The following MAST4 variants were observed in gnomAD, a reference collection of about 807,000 sequenced individuals.
MAST4 encodes microtubule-associated serine/threonine-protein kinase 4.
MAST4 carries 89 observed loss-of-function variants against 162.7 expected under a neutral mutation model. That is an observed-to-expected ratio of 0.55 (90% CI 0.46 to 0.65). MAST4 has a LOEUF of 0.65. Among genes scored for constraint, MAST4 ranks in the 30% least tolerant of loss-of-function variants. The probability of loss-of-function intolerance (pLI) is 0.00; values close to 1 mark genes in which losing one functional copy is unlikely to be tolerated. For synonymous variants in MAST4, 1,479 were observed against 1,361.1 expected (o/e 1.09, Z -1.91); for missense variants, 3,153 against 3,374.0 (o/e 0.93, Z 1.62).
At chr5:66,798,423 T>G (rs140894950) in intron 3 of MAST4, among the ~76,000 whole-genome samples, 2,261 of 152,328 alleles carry the variant, frequency 0.015, 24 homozygotes, top group Middle Eastern at 0.024. Flanking sequence ...ATACTAGGAC[T>G]GGCTGTCATT....
intron 1 of MAST4, among the ~76,000 whole-genome samples, chr5:66,734,092 C>G (rs753637013): frequency 9.2e-5 from 14 of 152,150 alleles, no homozygotes; most frequent in Non-Finnish European, 2.1e-4. Context: ...TTTTATGGCT[C>G]AAACTTTGCT....
intron 3 of MAST4, among the ~76,000 whole-genome samples, chr5:66,875,753 A>AT (rs1234509538): frequency 1.8e-4 from 27 of 152,042 alleles, no homozygotes; most frequent in South Asian, 4.1e-4. Context: ...AGTTCTATGT[A>AT]TTTTTTTTAT....
chr5:66,919,533 C>T (rs753107591), intron 4 of MAST4, among the ~76,000 whole-genome samples: 12 of 151,660 alleles, frequency 7.9e-5, no homozygotes, highest in African/African-American at 1.7e-4. Context: ...TGGTGGCACA[C>T]GCCTGTAATC....
chr5:67,145,461 C>T, intron 23 of MAST4, 82 bp downstream of exon 23: 2 of 1,200,504 alleles, frequency 1.7e-6, no homozygotes, highest in Non-Finnish European at 2.4e-6. Flanking sequence ...CGGGCCTCGC[C>T]AGGCAGTAAA....
intron 3 of MAST4, among the ~76,000 whole-genome samples, chr5:66,854,781 A>C (rs1759556522): frequency 6.6e-6 from 1 of 152,160 alleles, no homozygotes; most frequent in South Asian, 2.1e-4. Flanking sequence ...GCCAGGAGCC[A>C]AGGATGATTG....
chr5:66,924,645 T>C (rs987181552), intron 4 of MAST4, among the ~76,000 whole-genome samples: 1 of 152,160 alleles, frequency 6.6e-6, no homozygotes, highest in African/African-American at 2.4e-5. Flanking sequence ...CGCCTACCTC[T>C]GCCCCCCAAA....
intron 4 of MAST4, among the ~76,000 whole-genome samples, chr5:67,011,777 T>C (rs1047309553): frequency 2.0e-5 from 3 of 152,162 alleles, no homozygotes; most frequent in Non-Finnish European, 2.9e-5. Flanking sequence ...TAGCTTCTAG[T>C]GTGAAACTTA....
intron 14 of MAST4, among the ~76,000 whole-genome samples, chr5:67,121,599 T>G (rs1189286246): frequency 6.6e-6 from 1 of 151,724 alleles, no homozygotes; most frequent in African/African-American, 2.4e-5. Flanking sequence ...GTCGTTTGTC[T>G]TCCCTGGGCC....
chr5:66,920,573 C>T lies in MAST4; in HGVS notation c.674+20591C>T, dbSNP rs1441553396. 4.6e-5 allele frequency among the ~76,000 whole-genome samples: 7 copies of T among 152,238 alleles called. No homozygotes were observed. The East Asian group carries it at 9.7e-4, about 21-fold the overall frequency. On this transcript the variant is annotated intron_variant, in intron 4 of 28. Transcript: ENST00000403625. The stretch of plus-strand genomic sequence containing the variant: ...ATGTGTGATCTCAGCTCACCACAAC[C>T]TCCGCCTTCCAGGTTCAAGGGATTC...
chr5:66,892,782 A>G (rs1213315270), intron 3 of MAST4, among the ~76,000 whole-genome samples: 1 of 152,144 alleles, frequency 6.6e-6, no homozygotes, highest in African/African-American at 2.4e-5. Flanking sequence ...TTGGAACTGG[A>G]TGACATAGGT....
At chr5:66,845,642 C>T (rs1055997668) in intron 3 of MAST4, among the ~76,000 whole-genome samples, 3 of 152,086 alleles carry the variant, frequency 2.0e-5, no homozygotes, top group African/African-American at 7.2e-5. Context: ...TAATGGATGG[C>T]TGGGTCAAAT....
chr5:66,956,505 C>A (rs1745333006), intron 4 of MAST4, among the ~76,000 whole-genome samples: 1 of 152,118 alleles, frequency 6.6e-6, no homozygotes. Context: ...TGGAATGCAT[C>A]TATAAAGTGA....
At chr5:66,830,772 T>C (rs553651454) in intron 3 of MAST4, among the ~76,000 whole-genome samples, 1 of 152,336 alleles carries the variant, frequency 6.6e-6, no homozygotes, top group East Asian at 1.9e-4. Context: ...ACACACTTTA[T>C]GTATTTGTAT....
Position 67,130,308 on chromosome 5 carries a change from C to T in MAST4, c.1844C>T (p.Ala615Val). ...ATCCTTCGAAACCAGATCCAGCAGG[C>T]CTTTGTGGAGCGGGATATCCTGACT... ...NLILRNQIQQAFVERDILTFA... is the reference protein window; with the variant it reads ...NLILRNQIQQVFVERDILTFA... The change falls in exon 15 of 29, where the codon GCC (alanine) becomes GTC (valine). Residue 615 changes from alanine to valine, a missense_variant. Ala to Val is a moderately conservative substitution (Grantham distance 64). Coordinates refer to ENST00000403625, the MANE Select transcript of MAST4 (RefSeq NM_001164664.2). 1.2e-6 allele frequency: 2 copies of T among 1,613,892 alleles called. No homozygotes were observed. The highest frequency in any genetic ancestry group is 1.7e-6 in the Non-Finnish European group (2 of 1,179,858).
At chr5:66,897,690 GC>G (rs1469659797) in intron 3 of MAST4, among the ~76,000 whole-genome samples, 1 of 152,176 alleles carries the variant, frequency 6.6e-6, no homozygotes, top group Non-Finnish European at 1.5e-5. Context: ...GTTGACAGTG[GC>G]CTATTAAATG....
intron 2 of MAST4, among the ~76,000 whole-genome samples, chr5:66,782,324 A>T (rs1754914695): frequency 6.6e-6 from 1 of 151,582 alleles, no homozygotes; most frequent in Non-Finnish European, 1.5e-5. Context: ...ATTCTAGGAG[A>T]GGTCATATAT....
At chr5:67,146,752 T>G (rs1323659268) in intron 23 of MAST4, among the ~76,000 whole-genome samples, 1 of 152,234 alleles carries the variant, frequency 6.6e-6, no homozygotes, top group Non-Finnish European at 1.5e-5. Context: ...AGTTCTGTTT[T>G]CATGTTGCGT....
intron 5 of MAST4, among the ~76,000 whole-genome samples, chr5:67,077,857 T>C (rs1443002677): frequency 1.3e-5 from 2 of 152,122 alleles, no homozygotes; most frequent in African/African-American, 4.8e-5. Context: ...CCCAGCACTT[T>C]GGGAGGCCGA....
intron 1 of MAST4, among the ~76,000 whole-genome samples, chr5:66,744,681 C>G (rs1752651421): frequency 6.6e-6 from 1 of 152,116 alleles, no homozygotes; most frequent in Admixed American, 6.5e-5. Flanking sequence ...ACTTTTAAAA[C>G]AACCAGATCT....
Sources: gnomAD v4.1 joint callset for allele counts (sites outside exome capture counted in the v4.1 genomes callset) on GRCh38, gnomAD v4.1.1 for gene constraint, MANE v1.5 for transcripts, NCBI Gene and HGNC (gene_info 2026-07-23, HGNC 2026-07-21) for gene names.